RFX3: variants seen among roughly 807,000 people sequenced by gnomAD.
RFX3 encodes the protein transcription factor RFX3.
Under a neutral mutation model 98.6 loss-of-function variants are expected in RFX3, and 14 were observed. That is an observed-to-expected ratio of 0.14 (90% CI 0.09 to 0.22). The LOEUF is 0.22. RFX3 is among the 10% of genes least tolerant of loss of function. The pLI, the probability that RFX3 is intolerant of heterozygous loss-of-function variation, is 1.00. For missense variants in RFX3, 639 were observed against 926.9 expected (o/e 0.69, Z 4.03); for synonymous variants, 383 against 328.4 (o/e 1.17, Z -1.80).
chr9:3,394,504 T>A lies in RFX3; in HGVS notation c.117+968A>T, dbSNP rs371320954. Among the ~76,000 whole-genome samples the A allele has an allele frequency of 7.2e-4, 109 of 152,254 alleles. 1 individual carries two copies. The South Asian group carries it at 0.022, about 31-fold the overall frequency. ...AAACACAAGACGATTATCTCAGATG[T>A]CTTTACTTATCCTAAAAGCCAATGA... On this transcript the variant is annotated intron_variant, in intron 2 of 16. Coordinates refer to ENST00000617270, the MANE Select transcript of RFX3 (RefSeq NM_001282116.2).
At chr9:3,424,426 A>T (rs1235821991) in intron 1 of RFX3, among the ~76,000 whole-genome samples, 1 of 121,834 alleles carries the variant, frequency 8.2e-6, no homozygotes, top group East Asian at 2.6e-4. Context: ...CAGTGGCGCG[A>T]TCTCGACTCA....
chr9:3,331,013 T>C (rs1333595212), intron 3 of RFX3, among the ~76,000 whole-genome samples: 4 of 152,150 alleles, frequency 2.6e-5, no homozygotes, highest in Non-Finnish European at 5.9e-5. Flanking sequence ...CTTACCTCCA[T>C]AAGGATCTTA....
chr9:3,441,991 G>A (rs1475950879), intron 1 of RFX3, among the ~76,000 whole-genome samples: 1 of 152,128 alleles, frequency 6.6e-6, no homozygotes, highest in East Asian at 1.9e-4. Flanking sequence ...CCTGAGGTCA[G>A]GAGTTCGAGA....
At chr9:3,268,305 T>A (rs1035704474) in intron 11 of RFX3, among the ~76,000 whole-genome samples, 3 of 151,762 alleles carry the variant, frequency 2.0e-5, no homozygotes, top group Non-Finnish European at 4.4e-5. Flanking sequence ...ATACAATTTT[T>A]AAAAATAAAA....
intron 2 of RFX3, among the ~76,000 whole-genome samples, chr9:3,366,693 C>CCTTTCTTTCTTTCTTTCTTTCTTTTT (rs1837146016): frequency 1.2e-5 from 1 of 85,452 alleles, no homozygotes; most frequent in Non-Finnish European, 2.2e-5. Flanking sequence ...TTCTTTCTTT[C>CCTTTCTTTCTTTCTTTCTTTCTTTTT]CTTTCTTTCT....
At chr9:3,228,099 T>A (rs1333454231) in intron 16 of RFX3, among the ~76,000 whole-genome samples, 1 of 152,196 alleles carries the variant, frequency 6.6e-6, no homozygotes, top group Non-Finnish European at 1.5e-5. Context: ...AAGGGCTCTG[T>A]TTCCTGCAGT....
intron 1 of RFX3, among the ~76,000 whole-genome samples, chr9:3,501,225 G>T (rs1462737374): frequency 6.6e-6 from 1 of 151,964 alleles, no homozygotes; most frequent in Non-Finnish European, 1.5e-5. Flanking sequence ...CTTCCTAAAA[G>T]AAAATTTTTA....
intron 1 of RFX3, among the ~76,000 whole-genome samples, chr9:3,520,822 G>A (rs1382461821): frequency 2.0e-5 from 3 of 152,170 alleles, no homozygotes; most frequent in African/African-American, 2.4e-5. Flanking sequence ...CTACAGGCAC[G>A]CACCGGCAAG....
intron 5 of RFX3, among the ~76,000 whole-genome samples, chr9:3,298,735 A>G (rs772165384): frequency 6.6e-6 from 1 of 151,896 alleles, no homozygotes; most frequent in Non-Finnish European, 1.5e-5. Flanking sequence ...AAAGGTGTAA[A>G]GCAAAGCAAT....
intron 3 of RFX3, among the ~76,000 whole-genome samples, chr9:3,345,439 T>G (rs1206193192): frequency 6.6e-6 from 1 of 152,154 alleles, no homozygotes; most frequent in Admixed American, 6.5e-5. Context: ...GAGGTAGTGT[T>G]AGGCAGTAGT....
chr9:3,370,062 C>T (rs1393703383), intron 2 of RFX3, among the ~76,000 whole-genome samples: 7 of 146,720 alleles, frequency 4.8e-5, no homozygotes, highest in East Asian at 2.0e-4. Flanking sequence ...AGGATGGTCT[C>T]GATCTCCTGA....
chr9:3,227,344 G>T (rs1303429430), intron 16 of RFX3, among the ~76,000 whole-genome samples: 1 of 152,178 alleles, frequency 6.6e-6, no homozygotes, highest in African/African-American at 2.4e-5. Flanking sequence ...CTATCTCTGG[G>T]TGACAGGTTT....
At chr9:3,364,351 CTGTT>C (rs1563989443) in intron 2 of RFX3, 2 of 186,666 alleles carry the variant, frequency 1.1e-5, no homozygotes, top group Non-Finnish European at 2.2e-5. Flanking sequence ...TTTAACAAGA[CTGTT>C]TGTCTGGTCT....
chr9:3,316,468 G>A (rs897956627), intron 4 of RFX3, among the ~76,000 whole-genome samples: 1 of 152,164 alleles, frequency 6.6e-6, no homozygotes, highest in African/African-American at 2.4e-5. Context: ...ACTGGCACAA[G>A]ACAGGGATAC....
rs1847487642 is a variant in RFX3 at position 3,459,464 on chromosome 9, CAT to C, written c.-8-63870_-8-63869del. On this transcript the variant is annotated intron_variant, in intron 1 of 16. Coordinates refer to ENST00000617270, the MANE Select transcript of RFX3 (RefSeq NM_001282116.2). ...ATTCTGAGAATAAAGGACTGGAAAA[CAT>C]AAAATTGGCGCAGTTACTGGGCACT... is the stretch of plus-strand genomic sequence containing the variant. Among the ~76,000 whole-genome samples, 4 of 151,764 alleles carry C rather than the reference CAT, an allele frequency of 2.6e-5. No homozygotes were observed. The South Asian group carries it at 6.3e-4, about 24-fold the overall frequency.
intron 3 of RFX3, among the ~76,000 whole-genome samples, chr9:3,333,158 T>C (rs1488020389): frequency 6.6e-6 from 1 of 152,216 alleles, no homozygotes; most frequent in Non-Finnish European, 1.5e-5. Flanking sequence ...GTAGACGTAA[T>C]AGCCAGTTTC....
At chr9:3,474,616 A>G (rs1849066865) in intron 1 of RFX3, among the ~76,000 whole-genome samples, 1 of 152,216 alleles carries the variant, frequency 6.6e-6, no homozygotes, top group Non-Finnish European at 1.5e-5. Flanking sequence ...CAGAAGAAAC[A>G]TATCTAAAAG....
chr9:3,519,717 T>C (rs1818513513), intron 1 of RFX3, among the ~76,000 whole-genome samples: 1 of 152,116 alleles, frequency 6.6e-6, no homozygotes, highest in South Asian at 2.1e-4. Context: ...CCAGTATACT[T>C]ATTCTATCCA....
At chr9:3,501,970 G>A (rs1333462866) in intron 1 of RFX3, among the ~76,000 whole-genome samples, 2 of 151,710 alleles carry the variant, frequency 1.3e-5, no homozygotes, top group South Asian at 2.1e-4. Flanking sequence ...AATCACTTTC[G>A]GCCAGGCGCG....
Sources: gnomAD v4.1 joint callset for allele counts (sites outside exome capture counted in the v4.1 genomes callset) on GRCh38, gnomAD v4.1.1 for gene constraint, MANE v1.5 for transcripts, NCBI Gene and HGNC (gene_info 2026-07-23, HGNC 2026-07-21) for gene names.